PAN3: variants seen among roughly 807,000 people sequenced by gnomAD.
PAN3 encodes the protein poly(A) specific ribonuclease subunit PAN3.
A neutral mutation model predicts 96.2 loss-of-function variants in PAN3; 19 were observed. The observed-to-expected ratio is 0.20, with a 90% CI of 0.14 to 0.29. PAN3 has a LOEUF of 0.29. Ranked by LOEUF, PAN3 falls within the 10% of genes least tolerant of loss-of-function variation. The pLI is 1.00. For synonymous variants in PAN3, 433 were observed against 406.6 expected (o/e 1.06, Z -0.78); for missense variants, 882 against 1,108.1 (o/e 0.80, Z 2.90).
chr13:28,148,910 G>A (rs1871019307), intron 1 of PAN3, among the ~76,000 whole-genome samples: 1 of 151,896 alleles, frequency 6.6e-6, no homozygotes, highest in Non-Finnish European at 1.5e-5. Flanking sequence ...TATTTTAGTG[G>A]TTTATAGTCT....
chr13:28,194,468 T>A (rs12427828), intron 4 of PAN3, among the ~76,000 whole-genome samples: 44,624 of 88,562 alleles, frequency 0.5, 7,719 homozygotes, highest in Admixed American at 0.6. Context: ...ATATATATAT[T>A]TTTTTTTTTT....
intron 1 of PAN3, among the ~76,000 whole-genome samples, chr13:28,146,790 A>G (rs1464994916): frequency 6.6e-6 from 1 of 152,198 alleles, no homozygotes; most frequent in Non-Finnish European, 1.5e-5. Context: ...ATCCTGGCCA[A>G]CATGGAGAAA....
chr13:28,195,137 T>TGGTG (rs1261576921), intron 4 of PAN3, among the ~76,000 whole-genome samples: 2 of 152,152 alleles, frequency 1.3e-5, no homozygotes, highest in Non-Finnish European at 2.9e-5. Context: ...TAGGCTGATG[T>TGGTG]GGTGGCTCAT....
At position 28,148,590 on chromosome 13, in the gene PAN3, C is replaced by T. The variant is rs537282966; in HGVS notation, c.430+9503C>T. ...ACATAGTGAAAAATAGCCTCCTTCCCTCCCTAGTTACCTGATCCCTGTCTC... is the reference window on the plus strand; with the variant it reads ...ACATAGTGAAAAATAGCCTCCTTCCTTCCCTAGTTACCTGATCCCTGTCTC... On this transcript the variant is annotated intron_variant, in intron 1 of 18. Coordinates refer to ENST00000380958, the MANE Select transcript of PAN3 (RefSeq NM_175854.8). 3.9e-5 allele frequency among the ~76,000 whole-genome samples: 6 copies of T among 152,266 alleles called. No individual in the cohort carries two copies. The East Asian group carries it at 1.2e-3, about 29-fold the overall frequency.
At chr13:28,281,549 G>A (rs1328922167) in intron 17 of PAN3, among the ~76,000 whole-genome samples, 170 bp downstream of exon 17, 1 of 152,166 alleles carries the variant, frequency 6.6e-6, no homozygotes, top group Non-Finnish European at 1.5e-5. Flanking sequence ...CCTAGGTGTG[G>A]CTGTCCTTAC....
intron 12 of PAN3, 59 bp downstream of exon 12, chr13:28,267,460 T>C (rs1286877568): frequency 7.4e-7 from 1 of 1,342,304 alleles, no homozygotes; most frequent in Non-Finnish European, 1.1e-6. Context: ...TGTGGAAGAG[T>C]AGTTTTCTAT....
chr13:28,238,597 A>AT (rs1388923004), intron 6 of PAN3, among the ~76,000 whole-genome samples: 1 of 152,104 alleles, frequency 6.6e-6, no homozygotes, highest in Non-Finnish European at 1.5e-5. Flanking sequence ...ATTAGGATAG[A>AT]TTTTCATTTG....
chr13:28,197,348 T>A lies in PAN3; in HGVS notation c.852+2T>A. 6.3e-7 allele frequency: 1 copy of A among 1,578,168 alleles called. No homozygotes were observed. The highest frequency in any genetic ancestry group is 8.6e-7 in the Non-Finnish European group (1 of 1,161,096). On this transcript the variant is annotated splice_donor_variant, in intron 5 of 18. Transcript: ENST00000380958. LOFTEE classifies it high-confidence loss of function. ...AGAGTCACAGAAAACAATTTACAGG[T>A]AAAAATAATTTTTATTAGACATTTC...
At chr13:28,272,185 T>G in intron 14 of PAN3, 114 bp downstream of exon 14, 1 of 676,226 alleles carries the variant, frequency 1.5e-6, no homozygotes, top group Non-Finnish European at 2.4e-6. Flanking sequence ...TTTGGGGTGG[T>G]GTCTATGCAG....
At position 28,138,839 on chromosome 13, in the gene PAN3, G is replaced by A. The variant is rs1327914951; in HGVS notation, c.182G>A (p.Gly61Glu). The change falls in exon 1 of 19, where the codon GGG becomes GAG. Residue 61 changes from glycine (G) to glutamate (E), a missense_variant. Transcript: ENST00000380958. ...GCTAAGGATAAGACTTGCTTCTACG[G>A]GGAGGAGTGTCAGTTCCTGCATGAG... ...YYAKDKTCFYGEECQFLHEDP... is the reference protein window; with the variant it reads ...YYAKDKTCFYEEECQFLHEDP... The A allele has an allele frequency of 1.4e-6, 2 of 1,422,674 alleles. No homozygotes were observed. Among genetic ancestry groups the A allele is most frequent in the Non-Finnish European group, 9.1e-7 (1 of 1,092,914 alleles). The allele number at this position is 1,422,674 out of a possible 1,614,324, so 88.1% of individuals were successfully genotyped here.
Position 28,174,376 on chromosome 13 carries a change from A to G in PAN3, c.535A>G (p.Lys179Glu). 6.2e-7 allele frequency: 1 copy of G among 1,613,270 alleles called. No individual in the cohort carries two copies. The change falls in exon 2 of 19, where the codon AAA (lysine) becomes GAA (glutamate). Residue 179 changes from lysine (K) to glutamate (E), a missense_variant. Physicochemically the swap from Lys to Glu is moderately conservative, Grantham distance 56. Around this residue, in one of 3 missense-constraint regions of PAN3, gnomAD observed 442 missense variants for 422.8 expected, o/e 1.05. Coordinates refer to ENST00000380958, the MANE Select transcript of PAN3 (RefSeq NM_175854.8). ...TGGATTTGGAAGCCCTGTAGAAACAAAATATCCCCTGATGCAGGTATCCTT... is the reference window on the plus strand; with the variant it reads ...TGGATTTGGAAGCCCTGTAGAAACAGAATATCCCCTGATGCAGGTATCCTT... ...VNGFGSPVET[K>E]YPLMQRMTNS...
intron 1 of PAN3, among the ~76,000 whole-genome samples, chr13:28,164,840 T>C (rs1245477381): frequency 1.3e-5 from 2 of 152,220 alleles, no homozygotes; most frequent in Non-Finnish European, 2.9e-5. Context: ...ATTGGATTTT[T>C]TTAAAAAGTA....
intron 4 of PAN3, among the ~76,000 whole-genome samples, chr13:28,189,934 TTTTG>T (rs1398134234): frequency 3.3e-5 from 5 of 152,154 alleles, no homozygotes; most frequent in African/African-American, 7.2e-5. Flanking sequence ...CCTTGAGCTT[TTTTG>T]TTTGTTTTGA....
chr13:28,197,181 C>G lies in PAN3; in HGVS notation c.691-4C>G. On this transcript the variant is annotated splice_polypyrimidine_tract_variant and splice_region_variant and intron_variant, in intron 4 of 18. Coordinates refer to ENST00000380958, the MANE Select transcript of PAN3 (RefSeq NM_175854.8). Reference sequence around the variant, plus strand: ...GGCCTGGTTTCTTTCCTTCTTTTTCCTAGCCAAGGAAGTATCGCCTGGGGA... The same window carrying G: ...GGCCTGGTTTCTTTCCTTCTTTTTCGTAGCCAAGGAAGTATCGCCTGGGGA... 6.2e-7 allele frequency: 1 copy of G among 1,608,332 alleles called. No individual in the cohort carries two copies. Among genetic ancestry groups the G allele is most frequent in the Non-Finnish European group, 8.5e-7 (1 of 1,177,674 alleles).
chr13:28,201,487 A>C lies in PAN3; in HGVS notation c.852+4141A>C, dbSNP rs185198779. Among the ~76,000 whole-genome samples, 17 of 152,206 alleles carry C rather than the reference A, an allele frequency of 1.1e-4. No individual in the cohort carries two copies. The East Asian group carries it at 3.3e-3, about 29-fold the overall frequency. ...TGTGAACCTGGGAGGTGGAGCTTGC[A>C]GTGAGCAGAGATTGTGTCGCTGCAC... On this transcript the variant is annotated intron_variant, in intron 5 of 18. Transcript: ENST00000380958.
chr13:28,213,352 T>G (rs566098961), intron 5 of PAN3, among the ~76,000 whole-genome samples: 14 of 152,194 alleles, frequency 9.2e-5, no homozygotes, highest in Middle Eastern at 6.8e-3. Context: ...AGCTGGAGGA[T>G]ACTGAAAAAC....
intron 6 of PAN3, among the ~76,000 whole-genome samples, chr13:28,228,271 A>G (rs1737252109): frequency 6.6e-6 from 1 of 152,150 alleles, no homozygotes; most frequent in African/African-American, 2.4e-5. Context: ...CAGCTTGACC[A>G]TGAAATTCAT....
intron 4 of PAN3, among the ~76,000 whole-genome samples, chr13:28,186,860 A>G (rs1474213868): frequency 6.6e-6 from 1 of 152,116 alleles, no homozygotes; most frequent in Non-Finnish European, 1.5e-5. Context: ...TGAAATTGAT[A>G]GAAAACTTTA....
chr13:28,215,659 G>A, intron 5 of PAN3: 6 of 1,420,798 alleles, frequency 4.2e-6, no homozygotes, highest in Non-Finnish European at 5.8e-6. Flanking sequence ...TGCCATTTTG[G>A]TAATAAGCTG....
Sources: allele counts gnomAD v4.1 joint callset (sites outside exome capture counted in the v4.1 genomes callset), GRCh38; gene constraint gnomAD v4.1.1; regional missense constraint gnomAD v4.1.1; transcripts MANE v1.5; gene names NCBI Gene and HGNC (gene_info 2026-07-23, HGNC 2026-07-21).